Variants in DCAF4L1 observed in about 807,000 individuals in gnomAD.
DCAF4L1 encodes the protein DDB1- and CUL4-associated factor 4-like protein 1.
A neutral mutation model predicts 28.2 loss-of-function variants in DCAF4L1; 4 were observed. That is an observed-to-expected ratio of 0.14 (90% CI 0.07 to 0.33). The LOEUF (loss-of-function observed/expected upper bound fraction) is 0.33, where lower values mean the gene tolerates loss of function less well. Among genes scored for constraint, DCAF4L1 ranks in the 10% least tolerant of loss-of-function variants. The pLI is 1.00. For synonymous variants in DCAF4L1, 252 were observed against 212.1 expected, an observed-to-expected ratio of 1.19 and a Z score of -1.63; for missense variants, 331 against 506.1, an observed-to-expected ratio of 0.65 and a Z score of 3.32.
rs1482999849 is a variant in DCAF4L1, at chr4:41,983,108, A to G, written c.*125A>G. 4.8e-6 allele frequency: 4 copies of G among 826,316 alleles called. No homozygotes were observed. The highest frequency in any genetic ancestry group is 5.7e-6 in the Non-Finnish European group (3 of 527,978). The allele number at this position is 826,316 out of a possible 1,614,324, so 51.2% of individuals were successfully genotyped here. A position where few individuals can be genotyped will look rare whatever the true frequency, so the allele number is the denominator to read the frequency against. ...TATAGATCGCATCCATCCGGCTGCC[A>G]GGGGTAAGGTGTTAAGAGTTTTATG... On this transcript the variant is annotated 3_prime_UTR_variant, in exon 1 of 1. Coordinates refer to ENST00000333141, the MANE Select transcript of DCAF4L1 (RefSeq NM_001029955.4).
Position 41,982,428 on chromosome 4 carries a change from C to T in DCAF4L1, c.636C>T (p.Ser212=), listed in dbSNP as rs769406636. The change falls in exon 1 of 1, where the codon AGC becomes AGT. Residue 212 remains serine, a synonymous_variant. Coordinates refer to ENST00000333141, the MANE Select transcript of DCAF4L1 (RefSeq NM_001029955.4). The surrounding 1 kb of genome is among the most constrained non-coding windows in gnomAD (Gnocchi z 4.4). ...TGTCTCAGCAGGTCCTGTTGACCAG[C>T]GTGGCGACGGGACACCAGCAGTCAT... is the stretch of plus-strand genomic sequence containing the variant. ...AGLSQQVLLT[S]VATGHQQSFD... The T allele has an allele frequency of 6.2e-6, 10 of 1,614,206 alleles. No homozygotes were observed. The highest frequency in any genetic ancestry group is 8.5e-6 in the Non-Finnish European group (10 of 1,180,032).
Position 41,985,343 on chromosome 4 carries a change from A to G in DCAF4L1, c.*2360A>G, listed in dbSNP as rs912138634. ...AGGCATCCAACTTCTTTTATTGTCAAGGAAATGCAAATTAAAACCACAATG... is the reference window on the plus strand; with the variant it reads ...AGGCATCCAACTTCTTTTATTGTCAGGGAAATGCAAATTAAAACCACAATG... On this transcript the variant is annotated 3_prime_UTR_variant, in exon 1 of 1. Transcript: ENST00000333141. 3 of 167,118 alleles carry G rather than the reference A, an allele frequency of 1.8e-5. No individual in the cohort carries two copies. Among genetic ancestry groups the G allele is most frequent in the East Asian group, 1.9e-4 (1 of 5,202 alleles). 10.4% of individuals were successfully genotyped at this position (167,118 alleles called of 1,614,324 possible). A position where few individuals can be genotyped will look rare whatever the true frequency, so the allele number is the denominator to read the frequency against.
rs749369207 is a variant in DCAF4L1, at chr4:41,981,761, T to C, written c.-32T>C. 5.6e-6 allele frequency: 9 copies of C among 1,599,344 alleles called. No individual in the cohort carries two copies. In the Admixed American group the frequency reaches 1.5e-4, roughly 27 times the overall value. On this transcript the variant is annotated 5_prime_UTR_variant, in exon 1 of 1. Coordinates refer to ENST00000333141, the MANE Select transcript of DCAF4L1 (RefSeq NM_001029955.4). The stretch of plus-strand genomic sequence containing the variant: ...CACGGAGAAGAACATCCTGCAGAAT[T>C]TCCTGTCACGAGGAACATTCCGCAG...
At position 41,983,771 on chromosome 4, in the gene DCAF4L1, T is replaced by C. The variant is rs1013876567; in HGVS notation, c.*788T>C. ...GTTTGTGAGAGATTTATTAAAAATG[T>C]TAAAGAGCCTGTTTTTCTACTAAGC... On this transcript the variant is annotated 3_prime_UTR_variant, in exon 1 of 1. Coordinates refer to ENST00000333141, the MANE Select transcript of DCAF4L1 (RefSeq NM_001029955.4). The C allele has an allele frequency of 3.0e-5, 5 of 167,050 alleles. No individual in the cohort carries two copies. The highest frequency in any genetic ancestry group is 1.2e-4 in the African/African-American group (5 of 41,444). The allele number at this position is 167,050 out of a possible 1,614,324, so 10.3% of individuals were successfully genotyped here. A position where few individuals can be genotyped will look rare whatever the true frequency, so the allele number is the denominator to read the frequency against.
chr4:41,982,763 A>G lies in DCAF4L1; in HGVS notation c.971A>G (p.Glu324Gly). The change falls in exon 1 of 1, where the codon GAG becomes GGG. Residue 324 changes from glutamate to glycine, a missense_variant. Physicochemically the swap from Glu to Gly is moderately conservative, Grantham distance 98 (BLOSUM62 -2). Transcript: ENST00000333141. The surrounding 1 kb of genome is among the most constrained non-coding windows in gnomAD (Gnocchi z 4.4). Reference protein sequence around the residue: ...ESAYLPLHVHEEEGIVVAVGQ... With the variant: ...ESAYLPLHVHGEEGIVVAVGQ... Reference sequence around the variant, plus strand: ...GCCTATCTGCCCCTGCATGTGCACGAGGAAGAGGGAATCGTGGTGGCAGTG... The same window carrying G: ...GCCTATCTGCCCCTGCATGTGCACGGGGAAGAGGGAATCGTGGTGGCAGTG... The G allele has an allele frequency of 1.9e-6, 3 of 1,614,222 alleles. No individual in the cohort carries two copies. Among genetic ancestry groups the G allele is most frequent in the Non-Finnish European group, 2.5e-6 (3 of 1,180,032 alleles).
chr4:41,983,037 T>A lies in DCAF4L1; in HGVS notation c.*54T>A. 1 of 1,464,580 alleles carries A rather than the reference T, an allele frequency of 6.8e-7. No homozygotes were observed. The highest frequency in any genetic ancestry group is 9.3e-7 in the Non-Finnish European group (1 of 1,075,074). The allele number at this position is 1,464,580 out of a possible 1,614,324, so 90.7% of individuals were successfully genotyped here. On this transcript the variant is annotated 3_prime_UTR_variant, in exon 1 of 1. Transcript: ENST00000333141. ...GGATTTGACTTAAGGAAGTTAAGAG[T>A]ATCTTATTACCGTTTCTGTGAGAGC... is the stretch of plus-strand genomic sequence containing the variant.
chr4:41,986,249 T>C lies in DCAF4L1; in HGVS notation c.*3266T>C, dbSNP rs543379791. 1.8e-5 allele frequency: 3 copies of C among 167,246 alleles called. No homozygotes were observed. Among genetic ancestry groups the C allele is most frequent in the Admixed American group, 1.3e-4 (2 of 15,302 alleles). The allele number at this position is 167,246 out of a possible 1,614,324, so 10.4% of individuals were successfully genotyped here. A position where few individuals can be genotyped will look rare whatever the true frequency, so the allele number is the denominator to read the frequency against. ...GATAAGGAGTGAAACTCAGGGTTAGTCGCTCCTGTTTCCTTAGTTTGGGAT... is the reference window on the plus strand; with the variant it reads ...GATAAGGAGTGAAACTCAGGGTTAGCCGCTCCTGTTTCCTTAGTTTGGGAT... On this transcript the variant is annotated 3_prime_UTR_variant, in exon 1 of 1. Coordinates refer to ENST00000333141, the MANE Select transcript of DCAF4L1 (RefSeq NM_001029955.4).
In DCAF4L1 at chr4:41,985,550, T is replaced by TCTA. The variant is rs1280543784; in HGVS notation, c.*2568_*2570dup. ...TTGCTAAAGCTAGAAGTTTGCATAC[T>TCTA]CTATGACCCAGTCATTTCAGTCCTA... On this transcript the variant is annotated 3_prime_UTR_variant, in exon 1 of 1. Transcript: ENST00000333141. 1 of 167,108 alleles carries TCTA rather than the reference T, an allele frequency of 6.0e-6. No homozygotes were observed. Among genetic ancestry groups the TCTA allele is most frequent in the African/African-American group, 2.4e-5 (1 of 41,460 alleles). 10.4% of individuals were successfully genotyped at this position (167,108 alleles called of 1,614,324 possible). A position where few individuals can be genotyped will look rare whatever the true frequency, so the allele number is the denominator to read the frequency against.
rs576165153 is a variant in DCAF4L1 at position 41,984,897 on chromosome 4, T to C, written c.*1914T>C. 4.8e-5 allele frequency: 8 copies of C among 167,210 alleles called. No individual in the cohort carries two copies. The highest frequency in any genetic ancestry group is 3.9e-4 in the Admixed American group (6 of 15,308). The allele number at this position is 167,210 out of a possible 1,614,324, so 10.4% of individuals were successfully genotyped here. ...GTCAGTTTTTTATACTAACTTGATA[T>C]GTGACATGAGAAATTGTGTAAGCTT... On this transcript the variant is annotated 3_prime_UTR_variant, in exon 1 of 1. Coordinates refer to ENST00000333141, the MANE Select transcript of DCAF4L1 (RefSeq NM_001029955.4).
Position 41,982,089 on chromosome 4 carries a change from C to T in DCAF4L1, c.297C>T (p.Tyr99=), listed in dbSNP as rs1188815417. ...AGGTCGAAGTCGAAGGCTCCAAGTA[C>T]GGCATCATCAGCCTGCGAACTCTGA... The part of the protein sequence containing the change: ...VNQVEVEGSK[Y]GIISLRTLKI... Residue 99 remains tyrosine, a synonymous_variant, in exon 1 of 1, where the codon TAC becomes TAT. Coordinates refer to ENST00000333141, the MANE Select transcript of DCAF4L1 (RefSeq NM_001029955.4). This position sits in a 1 kb window ranked among gnomAD's most constrained non-coding sequence, Gnocchi z 4.4. 15 of 1,614,072 alleles carry T rather than the reference C, an allele frequency of 9.3e-6. No homozygotes were observed. In the Admixed American group the frequency reaches 1.8e-4, roughly 20 times the overall value.
At position 41,985,108 on chromosome 4, in the gene DCAF4L1, G is replaced by GTATATATATA. The variant is rs372013647; in HGVS notation, c.*2129_*2138dup. 1.2e-5 allele frequency: 2 copies of GTATATATATA among 165,120 alleles called. No homozygotes were observed. Among genetic ancestry groups the GTATATATATA allele is most frequent in the African/African-American group, 4.9e-5 (2 of 40,912 alleles). 10.2% of individuals were successfully genotyped at this position (165,120 alleles called of 1,614,324 possible). On this transcript the variant is annotated 3_prime_UTR_variant, in exon 1 of 1. Transcript: ENST00000333141. ...AAGAACTAGCTGCAGACATATATAT[G>GTATATATATA]TATATATATATATGTCTGATACTGA... is the stretch of plus-strand genomic sequence containing the variant.
Position 41,985,211 on chromosome 4 carries a change from A to G in DCAF4L1, c.*2228A>G, listed in dbSNP as rs1019471645. 6.0e-5 allele frequency: 10 copies of G among 166,718 alleles called. No homozygotes were observed. Among genetic ancestry groups the G allele is most frequent in the Admixed American group, 3.3e-4 (5 of 15,230 alleles). 10.3% of individuals were successfully genotyped at this position (166,718 alleles called of 1,614,324 possible). A position where few individuals can be genotyped will look rare whatever the true frequency, so the allele number is the denominator to read the frequency against. ...GTTTATCCTCATTTGCAAAGAAAAC[A>G]AATGCAAAAAAAAAATCAGTAAGAA... On this transcript the variant is annotated 3_prime_UTR_variant, in exon 1 of 1. Coordinates refer to ENST00000333141, the MANE Select transcript of DCAF4L1 (RefSeq NM_001029955.4).
rs1453874781 is a variant in DCAF4L1, at chr4:41,982,274, C to T, written c.482C>T (p.Ala161Val). ...CCAAGCTGTGCAGTGCTGCTCCCAG[C>T]GTCGCGGTTCTTAAGTGTTCACACA... is the stretch of plus-strand genomic sequence containing the variant. Reference protein sequence around the residue: ...DAPSCAVLLPASRFLSVHTRV... With the variant: ...DAPSCAVLLPVSRFLSVHTRV... The change falls in exon 1 of 1, where the codon GCG becomes GTG. Residue 161 changes from alanine (A) to valine (V), a missense_variant. By Grantham distance (64) the Ala-to-Val change is moderately conservative (BLOSUM62 0). Coordinates refer to ENST00000333141, the MANE Select transcript of DCAF4L1 (RefSeq NM_001029955.4). This position sits in a 1 kb window ranked among gnomAD's most constrained non-coding sequence, Gnocchi z 4.4. The T allele has an allele frequency of 4.3e-6, 7 of 1,614,198 alleles. No homozygotes were observed. The highest frequency in any genetic ancestry group is 2.2e-5 in the South Asian group (2 of 91,086).
Position 41,986,064 on chromosome 4 carries a change from A to G in DCAF4L1, c.*3081A>G, listed in dbSNP as rs902610443. 6.0e-6 allele frequency: 1 copy of G among 167,166 alleles called. No individual in the cohort carries two copies. Among genetic ancestry groups the G allele is most frequent in the Non-Finnish European group, 1.5e-5 (1 of 68,160 alleles). The allele number at this position is 167,166 out of a possible 1,614,324, so 10.4% of individuals were successfully genotyped here. A position where few individuals can be genotyped will look rare whatever the true frequency, so the allele number is the denominator to read the frequency against. On this transcript the variant is annotated 3_prime_UTR_variant, in exon 1 of 1. Coordinates refer to ENST00000333141, the MANE Select transcript of DCAF4L1 (RefSeq NM_001029955.4). ...ATGGTCCAGTGGTAGTAGGCTGGAC[A>G]GAAGAACCACTACTGTTTGTAAAAA...
chr4:41,982,899 T>A lies in DCAF4L1; in HGVS notation c.1107T>A (p.Ala369=). The A allele has an allele frequency of 6.2e-7, 1 of 1,614,228 alleles. No homozygotes were observed. The highest frequency in any genetic ancestry group is 8.5e-7 in the Non-Finnish European group (1 of 1,180,028). The change falls in exon 1 of 1, where the codon GCT becomes GCA. Residue 369 remains alanine (A), a synonymous_variant. Coordinates refer to ENST00000333141, the MANE Select transcript of DCAF4L1 (RefSeq NM_001029955.4). The surrounding 1 kb of genome is among the most constrained non-coding windows in gnomAD (Gnocchi z 4.4). ...SEDDIPSVAF[A]SRLGGIRGAA... is the part of the protein sequence containing the mutation. ...ACGACATTCCCAGCGTGGCCTTCGCTTCTCGGCTCGGGGGCATCCGGGGAG... is the reference window on the plus strand; with the variant it reads ...ACGACATTCCCAGCGTGGCCTTCGCATCTCGGCTCGGGGGCATCCGGGGAG...
At position 41,985,210 on chromosome 4, in the gene DCAF4L1, C is replaced by G. The variant is rs1714115396; in HGVS notation, c.*2227C>G. Reference sequence around the variant, plus strand: ...TGTTTATCCTCATTTGCAAAGAAAACAAATGCAAAAAAAAAATCAGTAAGA... The same window carrying G: ...TGTTTATCCTCATTTGCAAAGAAAAGAAATGCAAAAAAAAAATCAGTAAGA... On this transcript the variant is annotated 3_prime_UTR_variant, in exon 1 of 1. Coordinates refer to ENST00000333141, the MANE Select transcript of DCAF4L1 (RefSeq NM_001029955.4). 1 of 164,016 alleles carries G rather than the reference C, an allele frequency of 6.1e-6. No individual in the cohort carries two copies. Among genetic ancestry groups the G allele is most frequent in the African/African-American group, 2.5e-5 (1 of 40,544 alleles). The allele number at this position is 164,016 out of a possible 1,614,324, so 10.2% of individuals were successfully genotyped here. A position where few individuals can be genotyped will look rare whatever the true frequency, so the allele number is the denominator to read the frequency against.
Position 41,982,550 on chromosome 4 carries a change from T to C in DCAF4L1, c.758T>C (p.Leu253Pro), listed in dbSNP as rs1425192491. 6.2e-7 allele frequency: 1 copy of C among 1,614,212 alleles called. No homozygotes were observed. Among genetic ancestry groups the C allele is most frequent in the Non-Finnish European group, 8.5e-7 (1 of 1,180,044 alleles). ...TCCGGGGAGATCTTTGCCATTGATC[T>C]GCGTTGTAGAAATCGAGGCAAGGGG... The part of the protein sequence containing the change: ...CRSGEIFAID[L>P]RCRNRGKGWR... Residue 253 changes from leucine (L) to proline (P), a missense_variant, in exon 1 of 1, where the codon CTG becomes CCG. Physicochemically the swap from Leu to Pro is moderately conservative, Grantham distance 98 (BLOSUM62 -3). Transcript: ENST00000333141. This position sits in a 1 kb window ranked among gnomAD's most constrained non-coding sequence, Gnocchi z 4.4.
chr4:41,982,137 C>G lies in DCAF4L1; in HGVS notation c.345C>G (p.Tyr115Ter), dbSNP rs765518456. Residue 115 changes from tyrosine to a stop codon, truncating the protein, a stop_gained, in exon 1 of 1, where the codon TAC becomes TAG. Coordinates refer to ENST00000333141, the MANE Select transcript of DCAF4L1 (RefSeq NM_001029955.4). LOFTEE classifies it high-confidence loss of function. This position sits in a 1 kb window ranked among gnomAD's most constrained non-coding sequence, Gnocchi z 4.4. ...TGAAGATCCCTTCGTTCCACGTGTACGTGCTCAGAAACCTCTACGTCCCCA... is the reference window on the plus strand; with the variant it reads ...TGAAGATCCCTTCGTTCCACGTGTAGGTGCTCAGAAACCTCTACGTCCCCA... ...RTLKIPSFHV[Y>*]VLRNLYVPNR... 1 of 1,614,248 alleles carries G rather than the reference C, an allele frequency of 6.2e-7. No individual in the cohort carries two copies.
At position 41,982,941 on chromosome 4, in the gene DCAF4L1, C is replaced by T. The variant is rs773043407; in HGVS notation, c.1149C>T (p.Leu383=). ...TCCGGGGAGCAGCACCAGGGCTGCTCATGGCTGTCCGGCAGGACCTTTATT... is the reference window on the plus strand; with the variant it reads ...TCCGGGGAGCAGCACCAGGGCTGCTTATGGCTGTCCGGCAGGACCTTTATT... ...GGIRGAAPGL[L]MAVRQDLYCF... The change falls in exon 1 of 1, where the codon CTC becomes CTT. Residue 383 remains leucine (L), a synonymous_variant. Coordinates refer to ENST00000333141, the MANE Select transcript of DCAF4L1 (RefSeq NM_001029955.4). The surrounding 1 kb of genome is among the most constrained non-coding windows in gnomAD (Gnocchi z 4.4). The T allele has an allele frequency of 5.0e-6, 8 of 1,613,596 alleles. No individual in the cohort carries two copies. The highest frequency in any genetic ancestry group is 6.8e-6 in the Non-Finnish European group (8 of 1,179,752).
Sources: allele counts gnomAD v4.1 joint callset, GRCh38; gene constraint gnomAD v4.1.1; non-coding constraint Gnocchi (gnomAD v3.1); transcripts MANE v1.5; gene names NCBI Gene and HGNC (gene_info 2026-07-23, HGNC 2026-07-21).